Variants in SLC35E3 observed in about 807,000 individuals in gnomAD.
The protein encoded by SLC35E3 is solute carrier family 35 member E3.
In SLC35E3, 28 loss-of-function variants were observed where a neutral mutation model predicts 30.8. The ratio of observed to expected loss-of-function variants is 0.91; its 90% CI spans 0.67 to 1.25. SLC35E3 has a LOEUF of 1.25. SLC35E3 is among the 50% of genes most tolerant of loss of function. The pLI, the probability that SLC35E3 is intolerant of heterozygous loss-of-function variation, is 0.00. For missense variants in SLC35E3, 365 were observed against 375.4 expected (o/e 0.97, Z 0.23); for synonymous variants, 146 against 149.2 (o/e 0.98, Z 0.16).
In SLC35E3 at chr12:68,764,665, A is replaced by C. The variant is rs762858746; in HGVS notation, c.756-39A>C. On this transcript the variant is annotated intron_variant, in intron 4 of 4. Transcript: ENST00000398004. ...AGTGTGTGTGTAAATATTAACATCTATCTTGTTATTCCTTTTTATCCTTAT... is the reference window on the plus strand; with the variant it reads ...AGTGTGTGTGTAAATATTAACATCTCTCTTGTTATTCCTTTTTATCCTTAT... 18 of 1,588,560 alleles carry C rather than the reference A, an allele frequency of 1.1e-5. No homozygotes were observed. In the East Asian group the frequency reaches 4.0e-4, roughly 36 times the overall value.
chr12:68,748,582 C>T (rs776941738), intron 2 of SLC35E3, among the ~76,000 whole-genome samples: 5 of 151,698 alleles, frequency 3.3e-5, no homozygotes, highest in Admixed American at 6.6e-5. Flanking sequence ...AATATTTTTC[C>T]ATTTGTGCAA....
intron 3 of SLC35E3, among the ~76,000 whole-genome samples, chr12:68,752,775 G>A (rs933001512): frequency 6.6e-6 from 1 of 152,166 alleles, no homozygotes; most frequent in African/African-American, 2.4e-5. Context: ...GGAGGCTGAG[G>A]CGGGTGGATC....
In SLC35E3 at chr12:68,776,685, C is replaced by T. The variant is rs1879754351; in HGVS notation, c.*11795C>T. ...TGGATGACAGAATGAAACTGTGTCT[C>T]AAAAAGAAAAAAAAAAACAAAAACT... is the stretch of plus-strand genomic sequence containing the variant. On this transcript the variant is annotated 3_prime_UTR_variant, in exon 5 of 5. Coordinates refer to ENST00000398004, the MANE Select transcript of SLC35E3 (RefSeq NM_018656.5). 7.4e-6 allele frequency: 1 copy of T among 135,018 alleles called. No individual in the cohort carries two copies. The highest frequency in any genetic ancestry group is 2.9e-4 in the South Asian group (1 of 3,448). 8.4% of individuals were successfully genotyped at this position (135,018 alleles called of 1,614,324 possible). A position where few individuals can be genotyped will look rare whatever the true frequency, so the allele number is the denominator to read the frequency against.
Position 68,746,437 on chromosome 12 carries a change from C to A in SLC35E3, c.60C>A (p.Phe20Leu), listed in dbSNP as rs1158349908. The change falls in exon 1 of 5, where the codon TTC (phenylalanine) becomes TTA (leucine). Residue 20 changes from phenylalanine (F) to leucine (L), a missense_variant. By Grantham distance (22) the Phe-to-Leu change is conservative (BLOSUM62 0). Coordinates refer to ENST00000398004, the MANE Select transcript of SLC35E3 (RefSeq NM_018656.5). ...GHWRIAAGLL[F>L]NLLVSICIVF... is the part of the protein sequence containing the mutation. The stretch of plus-strand genomic sequence containing the variant: ...GGCGAATCGCCGCCGGGCTCCTGTT[C>A]AACCTGCTGGTGTCCATCTGCATTG... 5 of 1,613,272 alleles carry A rather than the reference C, an allele frequency of 3.1e-6. No homozygotes were observed. The highest frequency in any genetic ancestry group is 4.2e-6 in the Non-Finnish European group (5 of 1,179,562).
intron 2 of SLC35E3, among the ~76,000 whole-genome samples, chr12:68,750,461 T>C (rs1160751523): frequency 6.6e-6 from 1 of 152,156 alleles, no homozygotes; most frequent in Non-Finnish European, 1.5e-5. Context: ...AGAGGGTAGT[T>C]CTTCCAAGCA....
At chr12:68,752,357 T>G (rs562947737) in intron 3 of SLC35E3, among the ~76,000 whole-genome samples, 167 bp downstream of exon 3, 1 of 152,244 alleles carries the variant, frequency 6.6e-6, no homozygotes, top group Admixed American at 6.5e-5. Flanking sequence ...ATGAAGAAAT[T>G]GAGGTACACA....
At position 68,765,338 on chromosome 12, in the gene SLC35E3, CTTTTT is replaced by C; in HGVS notation, c.*452_*456del. ...AAAGCAGATTTTATTCATATAATGACTTTTTTTTAAGAGTCTCTTTTTTAAAAAAA... is the reference window on the plus strand; with the variant it reads ...AAAGCAGATTTTATTCATATAATGACTTTAAGAGTCTCTTTTTTAAAAAAA... On this transcript the variant is annotated 3_prime_UTR_variant, in exon 5 of 5. Coordinates refer to ENST00000398004, the MANE Select transcript of SLC35E3 (RefSeq NM_018656.5). 1 of 151,842 alleles carries C rather than the reference CTTTTT, an allele frequency of 6.6e-6. No homozygotes were observed. The highest frequency in any genetic ancestry group is 1.5e-5 in the Non-Finnish European group (1 of 68,054). 9.4% of individuals were successfully genotyped at this position (151,842 alleles called of 1,614,324 possible). A position where few individuals can be genotyped will look rare whatever the true frequency, so the allele number is the denominator to read the frequency against.
intron 2 of SLC35E3, 52 bp from the exon 3 acceptor site, chr12:68,751,980 T>TA: frequency 6.7e-7 from 1 of 1,503,338 alleles, no homozygotes. Context: ...CATCTTTGAT[T>TA]ATGTGATACT....
chr12:68,761,090 G>T (rs1879218917), intron 4 of SLC35E3, among the ~76,000 whole-genome samples: 1 of 152,224 alleles, frequency 6.6e-6, no homozygotes, highest in South Asian at 2.1e-4. Flanking sequence ...AAGGAAGCCT[G>T]TGTGGTTAGA....
chr12:68,769,502 C>T lies in SLC35E3; in HGVS notation c.*4612C>T, dbSNP rs1879546635. 1 of 150,784 alleles carries T rather than the reference C, an allele frequency of 6.6e-6. No individual in the cohort carries two copies. Among genetic ancestry groups the T allele is most frequent in the African/African-American group, 2.4e-5 (1 of 40,974 alleles). 9.3% of individuals were successfully genotyped at this position (150,784 alleles called of 1,614,324 possible). A position where few individuals can be genotyped will look rare whatever the true frequency, so the allele number is the denominator to read the frequency against. On this transcript the variant is annotated 3_prime_UTR_variant, in exon 5 of 5. Coordinates refer to ENST00000398004, the MANE Select transcript of SLC35E3 (RefSeq NM_018656.5). ...TGAAACCCCATCTCTACTAAAAATA[C>T]AAAAAAATTAGCTGGGCGTGGTGGT...
intron 2 of SLC35E3, 57 bp downstream of exon 2, chr12:68,748,097 C>T (rs1878664199): frequency 2.0e-6 from 2 of 999,116 alleles, no homozygotes; most frequent in Non-Finnish European, 3.2e-6. Context: ...AATTTTGAAG[C>T]TGTATTCCAA....
At chr12:68,755,903 CA>C (rs1445407553) in intron 3 of SLC35E3, among the ~76,000 whole-genome samples, 15 of 152,110 alleles carry the variant, frequency 9.9e-5, no homozygotes, top group Non-Finnish European at 1.5e-4. Context: ...AACAAACATC[CA>C]AACTATATTA....
intron 4 of SLC35E3, 110 bp downstream of exon 4, chr12:68,759,349 G>A (rs1879162105): frequency 5.3e-6 from 4 of 757,746 alleles, no homozygotes; most frequent in Non-Finnish European, 6.7e-6. Flanking sequence ...CCTAAATTGA[G>A]TAGAGAGAGT....
rs1879727274 is a variant in SLC35E3 at position 68,775,919 on chromosome 12, G to A, written c.*11029G>A. 1 of 114,960 alleles carries A rather than the reference G, an allele frequency of 8.7e-6. No homozygotes were observed. Among genetic ancestry groups the A allele is most frequent in the Non-Finnish European group, 1.6e-5 (1 of 61,092 alleles). 7.1% of individuals were successfully genotyped at this position (114,960 alleles called of 1,614,324 possible). ...GCTGGAATCACACTATTACACTCCA[G>A]CCTGGGTGACAAGAGCGAAACTCTG... On this transcript the variant is annotated 3_prime_UTR_variant, in exon 5 of 5. Coordinates refer to ENST00000398004, the MANE Select transcript of SLC35E3 (RefSeq NM_018656.5).
At chr12:68,747,444 T>G (rs1252091540) in intron 1 of SLC35E3, among the ~76,000 whole-genome samples, 5 of 152,150 alleles carry the variant, frequency 3.3e-5, no homozygotes, top group African/African-American at 1.2e-4. Flanking sequence ...TAATTTTGTA[T>G]TTTTAGTAAA....
intron 3 of SLC35E3, 136 bp from the exon 4 acceptor site, chr12:68,759,021 G>C (rs371328545): frequency 1.1e-3 from 757 of 670,900 alleles, no homozygotes; most frequent in Non-Finnish European, 1.6e-3. Context: ...GAGCCACCGC[G>C]CCCGGCCCTC....
At chr12:68,756,547 A>G (rs575124843) in intron 3 of SLC35E3, among the ~76,000 whole-genome samples, 7 of 152,074 alleles carry the variant, frequency 4.6e-5, no homozygotes, top group Non-Finnish European at 1.0e-4. Flanking sequence ...ATGAACATAG[A>G]TGCTAAAATC....
At chr12:68,749,975 A>T (rs1878731711) in intron 2 of SLC35E3, among the ~76,000 whole-genome samples, 1 of 152,112 alleles carries the variant, frequency 6.6e-6, no homozygotes, top group Admixed American at 6.5e-5. Flanking sequence ...GATGGCAATG[A>T]AGGGTGGGTA....
At chr12:68,762,940 C>T (rs1879273105) in intron 4 of SLC35E3, among the ~76,000 whole-genome samples, 1 of 151,974 alleles carries the variant, frequency 6.6e-6, no homozygotes. Context: ...GGTGTGAACA[C>T]TGAGCTCTGC....
Sources: gnomAD v4.1 joint callset for allele counts (sites outside exome capture counted in the v4.1 genomes callset) on GRCh38, gnomAD v4.1.1 for gene constraint, MANE v1.5 for transcripts, NCBI Gene and HGNC (gene_info 2026-07-23, HGNC 2026-07-21) for gene names.